Variants in MRTFB observed in about 807,000 individuals in gnomAD.
MRTFB encodes myocardin related transcription factor B.
In MRTFB, 29 loss-of-function variants were observed where a neutral mutation model predicts 104.2. The ratio of observed to expected loss-of-function variants is 0.28; its 90% CI spans 0.21 to 0.38. The LOEUF (loss-of-function observed/expected upper bound fraction) is 0.38, where lower values mean the gene tolerates loss of function less well. MRTFB is among the 10% of genes least tolerant of loss of function. The pLI, the probability that MRTFB is intolerant of heterozygous loss-of-function variation, is 1.00. For missense variants in MRTFB, 1,270 were observed against 1,341.6 expected, an observed-to-expected ratio of 0.95 and a Z score of 0.83; for synonymous variants, 535 against 519.5, an observed-to-expected ratio of 1.03 and a Z score of -0.41.
intron 3 of MRTFB, among the ~76,000 whole-genome samples, chr16:14,183,344 G>A (rs180828353): frequency 2.0e-5 from 3 of 152,154 alleles, no homozygotes; most frequent in Non-Finnish European, 4.4e-5. Flanking sequence ...GAAAGACTGA[G>A]AGAATGTTAG....
chr16:14,167,502 G>A (rs2039284490), intron 3 of MRTFB, among the ~76,000 whole-genome samples: 1 of 151,924 alleles, frequency 6.6e-6, no homozygotes, highest in Non-Finnish European at 1.5e-5. Context: ...TTGCTCTTTA[G>A]TTTAATTAGA....
At chr16:14,108,586 G>A (rs960666714) in intron 2 of MRTFB, among the ~76,000 whole-genome samples, 8 of 152,274 alleles carry the variant, frequency 5.3e-5, no homozygotes, top group Non-Finnish European at 1.2e-4. Flanking sequence ...CCACTTTGTA[G>A]AAATTTGGAA....
At chr16:14,163,480 G>A (rs1317862613) in intron 3 of MRTFB, among the ~76,000 whole-genome samples, 1 of 152,160 alleles carries the variant, frequency 6.6e-6, no homozygotes, top group Non-Finnish European at 1.5e-5. Flanking sequence ...CTCACTGGAA[G>A]ATCAAGGCCA....
At chr16:14,017,205 C>T in the MRTFB span, among the ~76,000 whole-genome samples, 1,459 of 151,834 alleles carry the variant, frequency 9.6e-3, 18 homozygotes, top group South Asian at 0.021. Flanking sequence ...TACAGGCGCC[C>T]GCCACCACAC....
intron 2 of MRTFB, among the ~76,000 whole-genome samples, chr16:14,136,807 T>G (rs1469119178): frequency 6.6e-6 from 1 of 152,086 alleles, no homozygotes; most frequent in Non-Finnish European, 1.5e-5. Flanking sequence ...TATCTCACAA[T>G]GAACTGGTTT....
intron 9 of MRTFB, among the ~76,000 whole-genome samples, chr16:14,237,064 G>C (rs2042548340): frequency 6.6e-6 from 1 of 152,204 alleles, no homozygotes; most frequent in African/African-American, 2.4e-5. Context: ...CACCTGGAGT[G>C]TGAGGTGCTG....
At chr16:14,179,435 G>A (rs2039693955) in intron 3 of MRTFB, among the ~76,000 whole-genome samples, 1 of 152,172 alleles carries the variant, frequency 6.6e-6, no homozygotes, top group South Asian at 2.1e-4. Flanking sequence ...ACTCATCCAG[G>A]TGATCAAGGA....
At chr16:14,199,419 C>G (rs78177036) in intron 3 of MRTFB, among the ~76,000 whole-genome samples, 2,346 of 152,304 alleles carry the variant, frequency 0.015, 70 homozygotes, top group African/African-American at 0.053. Flanking sequence ...AAATTCCACT[C>G]TCTGCCAAGA....
the MRTFB span, among the ~76,000 whole-genome samples, chr16:14,037,884 A>G: frequency 6.6e-6 from 1 of 152,134 alleles, no homozygotes; most frequent in African/African-American, 2.4e-5. Flanking sequence ...AGGAGAAAGG[A>G]GCTCTCATTT....
chr16:14,213,361 A>C (rs991793968), intron 5 of MRTFB, among the ~76,000 whole-genome samples, 184 bp from the exon 6 acceptor site: 10 of 152,230 alleles, frequency 6.6e-5, no homozygotes, highest in African/African-American at 2.4e-4. Context: ...GTCTGTGTAC[A>C]ATTTTGAAGG....
At chr16:14,140,129 C>T (rs911120844) in intron 2 of MRTFB, among the ~76,000 whole-genome samples, 5 of 152,154 alleles carry the variant, frequency 3.3e-5, no homozygotes, top group African/African-American at 1.2e-4. Context: ...TGTCTGAAAC[C>T]TTCCTGGTTG....
At chr16:14,200,435 A>G in intron 3 of MRTFB, 1 of 1,609,544 alleles carries the variant, frequency 6.2e-7, no homozygotes, top group Admixed American at 1.7e-5. Context: ...TAATAGACCA[A>G]GAAAAGTCAA....
At chr16:14,188,203 G>A (rs12934102) in intron 3 of MRTFB, among the ~76,000 whole-genome samples, 1 of 152,132 alleles carries the variant, frequency 6.6e-6, no homozygotes, top group African/African-American at 2.4e-5. Context: ...ATGTCTTACT[G>A]CCGGTTTTTA....
intron 8 of MRTFB, among the ~76,000 whole-genome samples, chr16:14,231,360 G>A (rs77446584): frequency 0.019 from 2,958 of 152,168 alleles, 30 homozygotes; most frequent in Non-Finnish European, 0.024. Context: ...AACAAAATAA[G>A]TTTAAGTATC....
intron 10 of MRTFB, chr16:14,240,786 GA>G (rs1400573732): frequency 5.3e-6 from 4 of 760,308 alleles, no homozygotes; most frequent in African/African-American, 1.7e-5. Flanking sequence ...GATGCTCTGA[GA>G]AAAGCGTAAG....
the MRTFB span, among the ~76,000 whole-genome samples, chr16:14,024,368 T>C: frequency 1.3e-5 from 2 of 152,246 alleles, no homozygotes; most frequent in African/African-American, 4.8e-5. Context: ...CTGTATTTCC[T>C]ACTGGTCCCT....
At chr16:14,094,616 TAA>T (rs1435544699) in intron 2 of MRTFB, among the ~76,000 whole-genome samples, 4 of 152,232 alleles carry the variant, frequency 2.6e-5, no homozygotes, top group African/African-American at 9.6e-5. Flanking sequence ...TAATAAAATC[TAA>T]GTTTCACCCT....
chr16:14,039,806 T>A, the MRTFB span, among the ~76,000 whole-genome samples: 1 of 149,284 alleles, frequency 6.7e-6, no homozygotes, highest in African/African-American at 2.5e-5. Context: ...TGGAGTGCAA[T>A]GACGCAATCT....
the MRTFB span, among the ~76,000 whole-genome samples, chr16:14,014,699 CAAAAAAGA>C: frequency 6.6e-6 from 1 of 151,252 alleles, no homozygotes; most frequent in Non-Finnish European, 1.5e-5. Context: ...ACTAAAAATG[CAAAAAAGA>C]AAAAAAGAAA....
Sources: allele counts gnomAD v4.1 joint callset (sites outside exome capture counted in the v4.1 genomes callset), GRCh38; gene constraint gnomAD v4.1.1; transcripts MANE v1.5; gene names NCBI Gene and HGNC (gene_info 2026-07-23, HGNC 2026-07-21).